Variants in AGBL1 observed in about 807,000 individuals in gnomAD.
AGBL1 encodes the protein cytosolic carboxypeptidase 4.
A neutral mutation model predicts 118.9 loss-of-function variants in AGBL1; 130 were observed. The ratio of observed to expected loss-of-function variants is 1.09; its 90% CI spans 0.95 to 1.26. The LOEUF (loss-of-function observed/expected upper bound fraction) is 1.26. AGBL1 is among the 50% of genes most tolerant of loss of function. AGBL1 has a pLI of 0.00. For missense variants in AGBL1, 1,584 were observed against 1,298.1 expected, an observed-to-expected ratio of 1.22 and a Z score of -3.38; for synonymous variants, 555 against 478.9, an observed-to-expected ratio of 1.16 and a Z score of -2.08.
At chr15:86,773,772 G>A in intron 22 of AGBL1, among the ~76,000 whole-genome samples, 1 of 151,892 alleles carries the variant, frequency 6.6e-6, no homozygotes, top group East Asian at 1.9e-4. Context: ...AGTTGGCTCT[G>A]TATCCACTGA....
chr15:86,382,324 C>A (rs532548512), intron 17 of AGBL1, among the ~76,000 whole-genome samples: 1 of 152,300 alleles, frequency 6.6e-6, no homozygotes, highest in Non-Finnish European at 1.5e-5. Flanking sequence ...TGTTTGCAAG[C>A]AGCAAAAGAC....
chr15:86,722,337 C>A (rs1341981822), intron 22 of AGBL1, among the ~76,000 whole-genome samples: 1 of 152,136 alleles, frequency 6.6e-6, no homozygotes, highest in East Asian at 1.9e-4. Context: ...GAGCAGAGCC[C>A]TCAGAAATAA....
intron 23 of AGBL1, chr15:86,939,870 C>T (rs1354455307): frequency 1.1e-5 from 1 of 89,632 alleles, no homozygotes; most frequent in African/African-American, 3.3e-5. Flanking sequence ...ATAGAGTACG[C>T]TGTTTCTTTT....
intron 22 of AGBL1, among the ~76,000 whole-genome samples, chr15:86,856,897 A>G (rs2079490545): frequency 6.6e-6 from 1 of 152,206 alleles, no homozygotes; most frequent in Non-Finnish European, 1.5e-5. Context: ...GGTGAAGCTA[A>G]TGGCAGACAT....
intron 24 of AGBL1, among the ~76,000 whole-genome samples, chr15:87,026,128 A>G (rs2081723871): frequency 6.6e-6 from 1 of 152,210 alleles, no homozygotes; most frequent in East Asian, 1.9e-4. Flanking sequence ...CCCAAACACA[A>G]ATACAATAAT....
chr15:86,218,255 A>C (rs549150322), intron 5 of AGBL1, among the ~76,000 whole-genome samples: 4 of 152,186 alleles, frequency 2.6e-5, no homozygotes, highest in Non-Finnish European at 4.4e-5. Context: ...GTTTGAGGAA[A>C]TGATGGAGAT....
At chr15:86,305,425 C>G (rs574908813) in intron 17 of AGBL1, among the ~76,000 whole-genome samples, 5 of 152,212 alleles carry the variant, frequency 3.3e-5, no homozygotes, top group African/African-American at 1.2e-4. Flanking sequence ...AAATCTAAAT[C>G]TCATCTATTG....
intron 17 of AGBL1, among the ~76,000 whole-genome samples, chr15:86,311,069 T>C (rs1173706663): frequency 6.6e-6 from 1 of 152,156 alleles, no homozygotes; most frequent in East Asian, 1.9e-4. Context: ...AAGCTCAAGG[T>C]CTCCAAGGCT....
At chr15:86,094,323 C>A (rs545403427) in intron 1 of AGBL1, among the ~76,000 whole-genome samples, 1 of 152,248 alleles carries the variant, frequency 6.6e-6, no homozygotes, top group Admixed American at 6.5e-5. Context: ...AATATTCTAA[C>A]CTGATCACAG....
At chr15:86,955,316 G>T (rs1004745215) in intron 23 of AGBL1, among the ~76,000 whole-genome samples, 1 of 152,000 alleles carries the variant, frequency 6.6e-6, no homozygotes, top group Non-Finnish European at 1.5e-5. Context: ...GAATCACAAT[G>T]AAAACCCTGA....
intron 22 of AGBL1, among the ~76,000 whole-genome samples, chr15:86,744,703 C>G (rs1204355245): frequency 2.0e-5 from 3 of 152,128 alleles, no homozygotes; most frequent in African/African-American, 7.2e-5. Context: ...CCTCTTTGCA[C>G]TGAGTCCTGA....
intron 12 of AGBL1, among the ~76,000 whole-genome samples, 171 bp downstream of exon 12, chr15:86,266,628 C>T (rs1443051251): frequency 2.0e-5 from 3 of 152,176 alleles, no homozygotes; most frequent in East Asian, 1.9e-4. Context: ...ATCGGCCAGG[C>T]GCAGTGGCTC....
At chr15:86,125,258 C>T (rs982425241) in intron 1 of AGBL1, among the ~76,000 whole-genome samples, 2 of 152,254 alleles carry the variant, frequency 1.3e-5, no homozygotes, top group Non-Finnish European at 2.9e-5. Context: ...ACTGTTGCCT[C>T]TATTTGGAAA....
chr15:86,251,056 TCTTA>T (rs1192323643), intron 7 of AGBL1, among the ~76,000 whole-genome samples: 19 of 152,334 alleles, frequency 1.2e-4, no homozygotes, highest in Admixed American at 3.3e-4. Flanking sequence ...TACTTTGAAC[TCTTA>T]CTATTAATAC....
At chr15:86,117,045 C>T (rs1897809901) in intron 1 of AGBL1, among the ~76,000 whole-genome samples, 1 of 150,782 alleles carries the variant, frequency 6.6e-6, no homozygotes. Flanking sequence ...GAAGAGTTTT[C>T]CTGTGTGATT....
intron 18 of AGBL1, among the ~76,000 whole-genome samples, chr15:86,477,007 GA>G (rs1567014233): frequency 1.3e-5 from 2 of 152,172 alleles, no homozygotes; most frequent in South Asian, 2.1e-4. Context: ...AATGAAGGCA[GA>G]AAAAAAGATG....
At chr15:86,127,553 G>T (rs368457556) in intron 1 of AGBL1, among the ~76,000 whole-genome samples, 2 of 151,282 alleles carry the variant, frequency 1.3e-5, no homozygotes, top group South Asian at 4.1e-4. Context: ...CCACGTGGCC[G>T]AGGGCACGTG....
chr15:86,561,430 C>T (rs2083818387), intron 21 of AGBL1, among the ~76,000 whole-genome samples: 1 of 151,984 alleles, frequency 6.6e-6, no homozygotes, highest in Admixed American at 6.6e-5. Flanking sequence ...TTCCCCATTG[C>T]TTTTGTTGGG....
At chr15:86,104,712 G>T (rs886985139) in intron 1 of AGBL1, among the ~76,000 whole-genome samples, 4 of 152,216 alleles carry the variant, frequency 2.6e-5, no homozygotes, top group African/African-American at 9.6e-5. Flanking sequence ...TACAGGGGCT[G>T]TTGGGCCTTA....
Sources: gnomAD v4.1 joint callset for allele counts (sites outside exome capture counted in the v4.1 genomes callset) on GRCh38, gnomAD v4.1.1 for gene constraint, MANE v1.5 for transcripts, NCBI Gene and HGNC (gene_info 2026-07-23, HGNC 2026-07-21) for gene names.